Variants in TRIM44 observed in about 807,000 individuals in gnomAD.
TRIM44 encodes tripartite motif containing 44.
In TRIM44, 13 loss-of-function variants were observed where a neutral mutation model predicts 37.4. The ratio of observed to expected loss-of-function variants is 0.35; its 90% CI spans 0.23 to 0.55. The LOEUF (loss-of-function observed/expected upper bound fraction) is 0.55, where lower values mean the gene tolerates loss of function less well. TRIM44 is among the 20% of genes least tolerant of loss of function. The pLI, the probability that TRIM44 is intolerant of heterozygous loss-of-function variation, is 0.89. For synonymous variants in TRIM44, 175 were observed against 157.2 expected, an observed-to-expected ratio of 1.11 and a Z score of -0.85; for missense variants, 426 against 437.2, an observed-to-expected ratio of 0.97 and a Z score of 0.23.
intron 2 of TRIM44, among the ~76,000 whole-genome samples, chr11:35,709,454 A>G (rs971238754): frequency 6.6e-6 from 1 of 152,190 alleles, no homozygotes; most frequent in African/African-American, 2.4e-5. Context: ...AATCTTTAAG[A>G]GCTAAATTTT....
intron 4 of TRIM44, among the ~76,000 whole-genome samples, chr11:35,782,933 A>G (rs558647707): frequency 6.6e-6 from 1 of 152,278 alleles, no homozygotes; most frequent in South Asian, 2.1e-4. Context: ...AGTGGGTGTT[A>G]TTAGCTCCAC....
At chr11:35,746,751 T>TC (rs1405036458) in intron 4 of TRIM44, among the ~76,000 whole-genome samples, 2 of 152,304 alleles carry the variant, frequency 1.3e-5, no homozygotes, top group East Asian at 3.9e-4. Context: ...CATGTGCCTA[T>TC]ACTTGTTTGG....
At chr11:35,722,144 T>G (rs1411746873) in intron 2 of TRIM44, among the ~76,000 whole-genome samples, 2 of 152,222 alleles carry the variant, frequency 1.3e-5, no homozygotes, top group African/African-American at 2.4e-5. Flanking sequence ...TTTCCTGCTT[T>G]TTTGTTTTTC....
chr11:35,674,213 AGTGG>A, intron 1 of TRIM44, among the ~76,000 whole-genome samples: 1 of 146,692 alleles, frequency 6.8e-6, no homozygotes, highest in South Asian at 2.1e-4. Context: ...TGTGTGTGTG[AGTGG>A]GAGAGAGAGA....
chr11:35,730,252 G>T (rs1464084896), intron 3 of TRIM44, among the ~76,000 whole-genome samples: 1 of 152,118 alleles, frequency 6.6e-6, no homozygotes, highest in African/African-American at 2.4e-5. Flanking sequence ...CAAACCGAAA[G>T]AAAGATTTGG....
Position 35,669,482 on chromosome 11 carries a change from T to G in TRIM44, c.669+5702T>G, listed in dbSNP as rs1030051883. Among the ~76,000 whole-genome samples, 6 of 151,700 alleles carry G rather than the reference T, an allele frequency of 4.0e-5. 1 individual carries two copies. Among genetic ancestry groups the G allele is most frequent in the Admixed American group, 3.9e-4 (6 of 15,190 alleles). ...TTTATTTATTTATTTATTTATTTAT[T>G]TATTTATTTAGAGACGAAGTTTCAC... is the stretch of plus-strand genomic sequence containing the variant. On this transcript the variant is annotated intron_variant, in intron 1 of 4. Coordinates refer to ENST00000299413, the MANE Select transcript of TRIM44 (RefSeq NM_017583.6).
intron 2 of TRIM44, among the ~76,000 whole-genome samples, chr11:35,694,051 C>A (rs891720140): frequency 6.6e-6 from 1 of 152,096 alleles, no homozygotes; most frequent in African/African-American, 2.4e-5. Context: ...TTCATTAATC[C>A]TCTAAAACTG....
chr11:35,680,450 T>G (rs907872103), intron 1 of TRIM44, among the ~76,000 whole-genome samples: 3 of 152,198 alleles, frequency 2.0e-5, no homozygotes, highest in African/African-American at 7.2e-5. Flanking sequence ...GTTTTGTTTT[T>G]TTTTTTAAAT....
intron 1 of TRIM44, among the ~76,000 whole-genome samples, chr11:35,679,859 A>G (rs916697857): frequency 3.3e-5 from 5 of 152,182 alleles, no homozygotes; most frequent in Non-Finnish European, 5.9e-5. Context: ...TTACAGATGG[A>G]AAAACAGAAA....
chr11:35,782,835 T>C (rs1429715026), intron 4 of TRIM44, among the ~76,000 whole-genome samples: 2 of 152,052 alleles, frequency 1.3e-5, no homozygotes, highest in African/African-American at 2.4e-5. Context: ...GGAGAGTGAG[T>C]TGGGAATGCC....
rs1232853296 is a variant in TRIM44, at chr11:35,811,782, T to G, written c.*5397T>G. 2 of 152,236 alleles carry G rather than the reference T, an allele frequency of 1.3e-5. No individual in the cohort carries two copies. The highest frequency in any genetic ancestry group is 2.9e-5 in the Non-Finnish European group (2 of 68,036). The allele number at this position is 152,236 out of a possible 1,614,324, so 9.4% of individuals were successfully genotyped here. On this transcript the variant is annotated 3_prime_UTR_variant, in exon 5 of 5. Coordinates refer to ENST00000299413, the MANE Select transcript of TRIM44 (RefSeq NM_017583.6). Reference sequence around the variant, plus strand: ...TGTGGACTCTCCTCTAAATTTTCTTTTAACACATTTATCTTCATCAGACCC... The same window carrying G: ...TGTGGACTCTCCTCTAAATTTTCTTGTAACACATTTATCTTCATCAGACCC...
intron 2 of TRIM44, among the ~76,000 whole-genome samples, chr11:35,694,517 T>A (rs1361253034): frequency 6.6e-6 from 1 of 152,192 alleles, no homozygotes; most frequent in East Asian, 1.9e-4. Context: ...AATAAAAGTA[T>A]ACCCTATAAG....
chr11:35,683,333 G>A (rs553304580), intron 1 of TRIM44, among the ~76,000 whole-genome samples: 83 of 152,280 alleles, frequency 5.5e-4, no homozygotes, highest in South Asian at 1.0e-3. Context: ...GCTGTGTTTG[G>A]AGAACACATC....
At chr11:35,675,765 C>T (rs920459904) in intron 1 of TRIM44, among the ~76,000 whole-genome samples, 2 of 152,070 alleles carry the variant, frequency 1.3e-5, no homozygotes, top group African/African-American at 4.8e-5. Context: ...CGTGATCTAC[C>T]CACCTCGGCC....
intron 4 of TRIM44, among the ~76,000 whole-genome samples, chr11:35,752,858 CTG>C (rs1471344820): frequency 2.0e-5 from 3 of 152,192 alleles, no homozygotes; most frequent in Non-Finnish European, 4.4e-5. Flanking sequence ...ATATTCTTGA[CTG>C]TGTTTTGGTT....
rs1352750394 is a variant in TRIM44 at position 35,816,310 on chromosome 11, G to A, written c.*9925G>A. 6.6e-6 allele frequency: 1 copy of A among 152,160 alleles called. No homozygotes were observed. The highest frequency in any genetic ancestry group is 2.4e-5 in the African/African-American group (1 of 41,420). 9.4% of individuals were successfully genotyped at this position (152,160 alleles called of 1,614,324 possible). On this transcript the variant is annotated 3_prime_UTR_variant, in exon 5 of 5. Coordinates refer to ENST00000299413, the MANE Select transcript of TRIM44 (RefSeq NM_017583.6). Reference sequence around the variant, plus strand: ...GAAGAGAAAATAAATAAGGTGTGGTGCGTATCCATCCTCTTCCCAACTCAG... The same window carrying A: ...GAAGAGAAAATAAATAAGGTGTGGTACGTATCCATCCTCTTCCCAACTCAG...
intron 4 of TRIM44, among the ~76,000 whole-genome samples, chr11:35,799,905 T>C (rs1308484112): frequency 1.3e-5 from 2 of 152,126 alleles, no homozygotes; most frequent in Non-Finnish European, 2.9e-5. Context: ...GGAATTGCAG[T>C]GAGGCTAGAG....
intron 2 of TRIM44, among the ~76,000 whole-genome samples, chr11:35,705,471 AC>A (rs1851866500): frequency 6.6e-6 from 1 of 152,172 alleles, no homozygotes; most frequent in South Asian, 2.1e-4. Flanking sequence ...TCTTTTCAGC[AC>A]CACACCACAC....
At chr11:35,681,530 G>A (rs1851521062) in intron 1 of TRIM44, among the ~76,000 whole-genome samples, 1 of 152,164 alleles carries the variant, frequency 6.6e-6, no homozygotes, top group South Asian at 2.1e-4. Flanking sequence ...TTGAACTCCT[G>A]TGTTCTTGGA....
Sources: allele counts gnomAD v4.1 joint callset (sites outside exome capture counted in the v4.1 genomes callset), GRCh38; gene constraint gnomAD v4.1.1; transcripts MANE v1.5; gene names NCBI Gene and HGNC (gene_info 2026-07-23, HGNC 2026-07-21).